Variants in ANO10 observed in about 807,000 individuals in gnomAD.
ANO10 encodes anoctamin-10.
A neutral mutation model predicts 74.7 loss-of-function variants in ANO10; 77 were observed. The observed-to-expected ratio is 1.03, with a 90% CI of 0.86 to 1.25. The LOEUF (loss-of-function observed/expected upper bound fraction) is 1.25. ANO10 is among the 50% of genes most tolerant of loss of function. The pLI is 0.00. For missense variants in ANO10, 721 were observed against 778.1 expected (o/e 0.93, Z 0.87); for synonymous variants, 279 against 284.9 (o/e 0.98, Z 0.21).
chr3:43,547,240 A>G, intron 11 of ANO10, among the ~76,000 whole-genome samples: 1 of 152,254 alleles, frequency 6.6e-6, no homozygotes, highest in Non-Finnish European at 1.5e-5. Context: ...TCAGATGAAG[A>G]AAAAATTAAG....
At chr3:43,484,944 G>T in intron 11 of ANO10, 1 of 914,982 alleles carries the variant, frequency 1.1e-6, no homozygotes, top group East Asian at 2.7e-5. Flanking sequence ...GAGTTTATTT[G>T]GGGCCCACCC....
chr3:43,560,629 A>G (rs141551670), intron 9 of ANO10, among the ~76,000 whole-genome samples: 120 of 152,394 alleles, frequency 7.9e-4, no homozygotes, highest in African/African-American at 2.8e-3. Context: ...TCAGAGCTCA[A>G]TAAAAGTTGG....
chr3:43,627,467 C>T (rs1180748440), intron 1 of ANO10, among the ~76,000 whole-genome samples: 1 of 152,238 alleles, frequency 6.6e-6, no homozygotes, highest in Admixed American at 6.5e-5. Flanking sequence ...CTAGGGATTT[C>T]TGAGTTTGAT....
intron 1 of ANO10, among the ~76,000 whole-genome samples, chr3:43,667,235 C>A (rs935302970): frequency 1.3e-5 from 2 of 151,652 alleles, no homozygotes; most frequent in African/African-American, 4.8e-5. Context: ...GAATTACAGG[C>A]GTGTGCCACC....
intron 1 of ANO10, among the ~76,000 whole-genome samples, chr3:43,606,129 T>G (rs1407946351): frequency 6.6e-6 from 1 of 152,186 alleles, no homozygotes; most frequent in Non-Finnish European, 1.5e-5. Flanking sequence ...AGGATAACGA[T>G]GTAAAATGTG....
intron 11 of ANO10, chr3:43,485,251 C>T: frequency 1.6e-6 from 1 of 633,522 alleles, no homozygotes; most frequent in Non-Finnish European, 2.8e-6. Flanking sequence ...TAGTGAGAGG[C>T]AGGACTAGCT....
chr3:43,497,607 G>T (rs1376441875), intron 11 of ANO10, among the ~76,000 whole-genome samples: 2 of 152,110 alleles, frequency 1.3e-5, no homozygotes, highest in Non-Finnish European at 2.9e-5. Context: ...TTGGGAAGCT[G>T]TTCCTAAGAC....
At chr3:43,567,227 G>A (rs1201453990) in intron 7 of ANO10, among the ~76,000 whole-genome samples, 1 of 152,120 alleles carries the variant, frequency 6.6e-6, no homozygotes, top group African/African-American at 2.4e-5. Flanking sequence ...TAAAAGTGAT[G>A]GGGAGAATGG....
At chr3:43,503,025 T>A (rs1267877292) in intron 11 of ANO10, among the ~76,000 whole-genome samples, 3 of 152,218 alleles carry the variant, frequency 2.0e-5, no homozygotes, top group Admixed American at 1.3e-4. Flanking sequence ...TGGTTGCACA[T>A]TATAAATGTA....
chr3:43,644,535 GATCT>G (rs1226278272), intron 1 of ANO10, among the ~76,000 whole-genome samples: 4 of 152,198 alleles, frequency 2.6e-5, no homozygotes, highest in African/African-American at 9.6e-5. Flanking sequence ...CCAGATCCAA[GATCT>G]GGCCTACCTG....
chr3:43,656,653 C>T (rs566199243), intron 1 of ANO10, among the ~76,000 whole-genome samples: 2 of 152,338 alleles, frequency 1.3e-5, no homozygotes, highest in East Asian at 1.9e-4. Context: ...GTACACCCTC[C>T]GCAGCCGCTG....
chr3:43,523,943 C>A (rs1325669981), intron 11 of ANO10, among the ~76,000 whole-genome samples: 1 of 151,746 alleles, frequency 6.6e-6, no homozygotes, highest in Non-Finnish European at 1.5e-5. Context: ...ATGAGCTCAT[C>A]CAGGGGCTAC....
At chr3:43,621,066 G>A (rs562807001) in intron 1 of ANO10, among the ~76,000 whole-genome samples, 1 of 152,324 alleles carries the variant, frequency 6.6e-6, no homozygotes, top group East Asian at 1.9e-4. Context: ...CACAGGATTA[G>A]ATTTAAACTC....
chr3:43,510,551 C>G (rs2077471993), intron 11 of ANO10, among the ~76,000 whole-genome samples: 1 of 151,992 alleles, frequency 6.6e-6, no homozygotes, highest in Non-Finnish European at 1.5e-5. Flanking sequence ...TGACACAGCT[C>G]TACAGTTCTA....
rs528886578 is a variant in ANO10 at position 43,581,381 on chromosome 3, C to T, written c.473-909G>A. Among the ~76,000 whole-genome samples the T allele has an allele frequency of 5.9e-5, 9 of 152,258 alleles. No homozygotes were observed. The East Asian group carries it at 1.5e-3, about 26-fold the overall frequency. ...CACTCATGCATATATCTGGAAGAGA[C>T]AAATGAATTTAACCAAAGACCGTAT... is the stretch of plus-strand genomic sequence containing the variant. On this transcript the variant is annotated intron_variant, in intron 4 of 12. Coordinates refer to ENST00000292246, the MANE Select transcript of ANO10 (RefSeq NM_018075.5).
At chr3:43,622,932 C>A (rs2083451390), upstream of ANO10, among the ~76,000 whole-genome samples, 1 of 152,220 alleles carries the variant, frequency 6.6e-6, no homozygotes, top group African/African-American at 2.4e-5. Flanking sequence ...GTGGCGCAGT[C>A]TCGGCTCACT....
In ANO10 at chr3:43,677,962, A is replaced by ATGAGGGGCCC. The variant is rs561226067; in HGVS notation, c.-12+13545_-12+13554dup. 1.8e-4 allele frequency among the ~76,000 whole-genome samples: 27 copies of ATGAGGGGCCC among 152,316 alleles called. No homozygotes were observed. In the South Asian group the frequency reaches 5.6e-3, roughly 32 times the overall value. On this transcript the variant is annotated intron_variant, in intron 1 of 3. Transcript: ENST00000413397. ...GAAGGAAAAACAAACACTAATCAAC[A>ATGAGGGGCCC]TGAGGGGCCCTGAGGGGCCAATTAA...
chr3:43,407,169 G>A (rs1179606186), intron 12 of ANO10, among the ~76,000 whole-genome samples: 1 of 152,174 alleles, frequency 6.6e-6, no homozygotes, highest in Non-Finnish European at 1.5e-5. Context: ...CTCCTAAAGT[G>A]CTGGGATTAC....
At chr3:43,491,405 T>C (rs1213071349) in intron 11 of ANO10, among the ~76,000 whole-genome samples, 1 of 152,014 alleles carries the variant, frequency 6.6e-6, no homozygotes, top group Non-Finnish European at 1.5e-5. Flanking sequence ...TCCCAGCTAC[T>C]AAGGAGGCTG....
Sources: allele counts gnomAD v4.1 joint callset (sites outside exome capture counted in the v4.1 genomes callset), GRCh38; gene constraint gnomAD v4.1.1; transcripts MANE v1.5; gene names NCBI Gene and HGNC (gene_info 2026-07-23, HGNC 2026-07-21).